MERTK: variants seen among roughly 807,000 people sequenced by gnomAD.
MERTK encodes MER proto-oncogene, tyrosine kinase.
A neutral mutation model predicts 99.3 loss-of-function variants in MERTK; 69 were observed. That is an observed-to-expected ratio of 0.70 (90% CI 0.57 to 0.85). The LOEUF is 0.85. MERTK is among the 40% of genes least tolerant of loss of function. MERTK has a pLI of 0.00. For synonymous variants in MERTK, 426 were observed against 467.6 expected (o/e 0.91, Z 1.15); for missense variants, 1,125 against 1,249.4 (o/e 0.90, Z 1.50).
At chr2:112,015,226 G>C (rs771087988) in intron 15 of MERTK, among the ~76,000 whole-genome samples, 8 of 152,164 alleles carry the variant, frequency 5.3e-5, no homozygotes, top group Non-Finnish European at 1.0e-4. Flanking sequence ...TATGGTAAGT[G>C]CATATTTAAC....
chr2:111,926,710 G>A (rs1684574981), intron 1 of MERTK, among the ~76,000 whole-genome samples: 1 of 152,184 alleles, frequency 6.6e-6, no homozygotes, highest in African/African-American at 2.4e-5. Context: ...CCAGCCTGGT[G>A]ACAGAGCGAG....
At chr2:111,899,755 A>T (rs58672478) in intron 1 of MERTK, among the ~76,000 whole-genome samples, 5,390 of 152,082 alleles carry the variant, frequency 0.035, 307 homozygotes, top group African/African-American at 0.12. Flanking sequence ...TGACCTCGTG[A>T]TCTGCTCTCC....
chr2:111,965,093 G>A, intron 4 of MERTK, 98 bp from the exon 5 acceptor site: 8 of 1,213,304 alleles, frequency 6.6e-6, no homozygotes, highest in Non-Finnish European at 9.6e-6. Flanking sequence ...CAAAAGCCAT[G>A]AACCAAGAAA....
intron 14 of MERTK, among the ~76,000 whole-genome samples, chr2:112,009,227 C>T (rs542160428): frequency 1.3e-5 from 2 of 152,248 alleles, no homozygotes; most frequent in East Asian, 3.9e-4. Flanking sequence ...TGTTTGTATA[C>T]AGTATTATGT....
chr2:111,913,131 G>A (rs1684283646), intron 1 of MERTK: 1 of 954,636 alleles, frequency 1.0e-6, no homozygotes, highest in East Asian at 1.2e-4. Context: ...ACATAGATTT[G>A]TAACATTGCT....
chr2:112,024,553 A>G (rs926363936), intron 18 of MERTK, among the ~76,000 whole-genome samples: 2 of 152,122 alleles, frequency 1.3e-5, no homozygotes, highest in African/African-American at 4.8e-5. Context: ...GCTTCCTTCC[A>G]TCTCCTCTCG....
rs547314084 is a variant in MERTK, at chr2:112,023,281, G to A, written c.2486+887G>A. Among the ~76,000 whole-genome samples, 12 of 152,206 alleles carry A rather than the reference G, an allele frequency of 7.9e-5. No homozygotes were observed. In the South Asian group the frequency reaches 2.5e-3, roughly 32 times the overall value. ...TACAAAAAATTAGCCGGGTGTGGTG[G>A]CGGGCGCCTGTAGTCCCAGCTACTC... is the stretch of plus-strand genomic sequence containing the variant. On this transcript the variant is annotated intron_variant, in intron 18 of 18. Transcript: ENST00000295408.
intron 8 of MERTK, among the ~76,000 whole-genome samples, chr2:111,986,269 C>T (rs765667223): frequency 2.0e-5 from 3 of 152,214 alleles, no homozygotes; most frequent in East Asian, 1.9e-4. Context: ...GGCATTTGTG[C>T]GAGGTGCCTC....
At chr2:111,960,058 A>G (rs1419906365) in intron 4 of MERTK, among the ~76,000 whole-genome samples, 1 of 152,176 alleles carries the variant, frequency 6.6e-6, no homozygotes, top group African/African-American at 2.4e-5. Context: ...TATTATTATT[A>G]TGAAAATAGT....
At chr2:112,024,596 A>G (rs547956170) in intron 18 of MERTK, among the ~76,000 whole-genome samples, 3 of 152,288 alleles carry the variant, frequency 2.0e-5, no homozygotes, top group African/African-American at 7.2e-5. Context: ...AGCATCCCCC[A>G]AAGAGGCCTC....
intron 7 of MERTK, among the ~76,000 whole-genome samples, chr2:111,981,265 A>G (rs1412568849): frequency 2.6e-5 from 4 of 152,182 alleles, no homozygotes; most frequent in Non-Finnish European, 5.9e-5. Flanking sequence ...CTAGATATAG[A>G]AGGTTTATTG....
Position 111,960,045 on chromosome 2 carries a change from A to G in MERTK, c.758-5146A>G, listed in dbSNP as rs569856222. ...ATAATGAGAATTAAAAGAGCAAACA[A>G]TATATTATTATTATGAAAATAGTTT... On this transcript the variant is annotated intron_variant, in intron 4 of 18. Coordinates refer to ENST00000295408, the MANE Select transcript of MERTK (RefSeq NM_006343.3). Among the ~76,000 whole-genome samples the G allele has an allele frequency of 4.6e-5, 7 of 151,394 alleles. No homozygotes were observed. In the South Asian group the frequency reaches 1.3e-3, roughly 27 times the overall value.
chr2:111,941,565 G>A (rs977178219), intron 2 of MERTK, among the ~76,000 whole-genome samples: 3 of 152,164 alleles, frequency 2.0e-5, no homozygotes, highest in African/African-American at 7.2e-5. Flanking sequence ...TTCTGGTTGA[G>A]CCTCCACAGA....
At chr2:111,910,416 C>A (rs894453431) in intron 1 of MERTK, among the ~76,000 whole-genome samples, 1 of 151,922 alleles carries the variant, frequency 6.6e-6, no homozygotes, top group Admixed American at 6.6e-5. Flanking sequence ...ATTACAGGCG[C>A]CTGCCACCAC....
chr2:111,908,460 C>T (rs1432049857), intron 1 of MERTK, among the ~76,000 whole-genome samples: 7 of 152,174 alleles, frequency 4.6e-5, no homozygotes, highest in Admixed American at 3.9e-4. Flanking sequence ...GTTCCTCTCT[C>T]CAGTGTCATC....
At position 112,009,947 on chromosome 2, in the gene MERTK, G is replaced by GGT; in HGVS notation, c.1967_1968dup (p.Ile657ValfsTer2). The GGT allele has an allele frequency of 6.3e-7, 1 of 1,599,766 alleles. No homozygotes were observed. Among genetic ancestry groups the GGT allele is most frequent in the East Asian group, 2.2e-5 (1 of 44,810 alleles). On this transcript the variant is annotated frameshift_variant and splice_region_variant. Coordinates refer to ENST00000295408, the MANE Select transcript of MERTK (RefSeq NM_006343.3). LOFTEE classifies it high-confidence loss of function. Reference sequence around the variant, plus strand: ...AATTGATGCTGTGTTTGTAATTTCAGGTGTGTGTATAGAAATGAGCTCTCA... The same window carrying GGT: ...AATTGATGCTGTGTTTGTAATTTCAGGTGTGTGTGTATAGAAATGAGCTCTCA...
At chr2:111,974,125 AC>A (rs1676186423) in intron 6 of MERTK, among the ~76,000 whole-genome samples, 1 of 150,784 alleles carries the variant, frequency 6.6e-6, no homozygotes, top group Non-Finnish European at 1.5e-5. Context: ...GCATTGGCTC[AC>A]GCCTGTAATC....
At position 112,029,147 on chromosome 2, in the gene MERTK, G is replaced by A. The variant is rs1418213707; in HGVS notation, c.*283G>A. On this transcript the variant is annotated 3_prime_UTR_variant, in exon 19 of 19. Transcript: ENST00000295408. ...TTGCATATCTTAAAATTAAGCTTCA[G>A]CTGCTCCTTGATATTAACATTTGTA... The A allele has an allele frequency of 1.8e-6, 2 of 1,090,532 alleles. No individual in the cohort carries two copies. Among genetic ancestry groups the A allele is most frequent in the Admixed American group, 4.5e-5 (1 of 22,214 alleles). The allele number at this position is 1,090,532 out of a possible 1,614,324, so 67.6% of individuals were successfully genotyped here.
chr2:111,954,330 G>C (rs1172251609), intron 4 of MERTK, among the ~76,000 whole-genome samples: 1 of 152,040 alleles, frequency 6.6e-6, no homozygotes, highest in African/African-American at 2.4e-5. Context: ...CACAGATCAC[G>C]GCTCTCCTCT....
Sources: allele counts gnomAD v4.1 joint callset (sites outside exome capture counted in the v4.1 genomes callset), GRCh38; gene constraint gnomAD v4.1.1; transcripts MANE v1.5; gene names NCBI Gene and HGNC (gene_info 2026-07-23, HGNC 2026-07-21).